SRGAP3: variants seen among roughly 807,000 people sequenced by gnomAD.
SRGAP3 encodes the protein SLIT-ROBO Rho GTPase activating protein 3.
A neutral mutation model predicts 121.1 loss-of-function variants in SRGAP3; 39 were observed. The observed-to-expected ratio is 0.32, with a 90% CI of 0.25 to 0.42. The LOEUF (loss-of-function observed/expected upper bound fraction) is 0.42. Among genes scored for constraint, SRGAP3 ranks in the 10% least tolerant of loss-of-function variants. The probability of loss-of-function intolerance (pLI) is 1.00; values close to 1 mark genes in which losing one functional copy is unlikely to be tolerated. For synonymous variants in SRGAP3, 601 were observed against 570.0 expected (o/e 1.05, Z -0.77); for missense variants, 1,213 against 1,470.6 (o/e 0.82, Z 2.86).
intron 1 of SRGAP3, among the ~76,000 whole-genome samples, chr3:9,361,068 T>G (rs1182227903): frequency 6.6e-6 from 1 of 152,212 alleles, no homozygotes; most frequent in South Asian, 2.1e-4. Flanking sequence ...CATTTGTCCA[T>G]CTTTTGGAGA....
intron 13 of SRGAP3, among the ~76,000 whole-genome samples, chr3:9,026,200 T>C (rs1403013006): frequency 1.3e-5 from 2 of 152,208 alleles, no homozygotes; most frequent in African/African-American, 4.8e-5. Flanking sequence ...AAATCTCTCC[T>C]CACCGCCTTA....
chr3:9,263,628 T>G (rs1159231035), intron 3 of SRGAP3, among the ~76,000 whole-genome samples: 1 of 152,132 alleles, frequency 6.6e-6, no homozygotes, highest in Non-Finnish European at 1.5e-5. Context: ...CTAGAAGTAA[T>G]GGATACATTC....
intron 3 of SRGAP3, chr3:9,257,375 C>T (rs1954154425): frequency 1.3e-5 from 2 of 152,230 alleles, no homozygotes; most frequent in East Asian, 1.9e-4. Context: ...CCTATGAGGA[C>T]ACATTGAGAA....
chr3:9,326,380 A>C (rs1319685897), intron 2 of SRGAP3, among the ~76,000 whole-genome samples: 3 of 151,934 alleles, frequency 2.0e-5, no homozygotes, highest in Non-Finnish European at 4.4e-5. Context: ...AATGTACCTA[A>C]AGTTTTGACT....
In SRGAP3 at chr3:9,013,820, C is replaced by G; in HGVS notation, c.1836G>C (p.Arg612Ser). 1 of 1,614,148 alleles carries G rather than the reference C, an allele frequency of 6.2e-7. No individual in the cohort carries two copies. Among genetic ancestry groups the G allele is most frequent in the Non-Finnish European group, 8.5e-7 (1 of 1,180,014 alleles). The change falls in exon 16 of 22, where the codon AGG (arginine) becomes AGC (serine). Residue 612 changes from arginine (R) to serine (S), a missense_variant. Arg to Ser is a moderately radical substitution (Grantham distance 110). Transcript: ENST00000383836. Reference sequence around the variant, plus strand: ...CGAGGATTTGTTGGATCTGGTGCACCCTCTCGGCTGGGTTCTCCAGTTCTG... The same window carrying G: ...CGAGGATTTGTTGGATCTGGTGCACGCTCTCGGCTGGGTTCTCCAGTTCTG... ...STIKLENPAE[R>S]VHQIQQILVT... is the part of the protein sequence containing the mutation.
chr3:9,317,749 T>C (rs1463868495), intron 3 of SRGAP3, among the ~76,000 whole-genome samples: 1 of 152,250 alleles, frequency 6.6e-6, no homozygotes, highest in Non-Finnish European at 1.5e-5. Context: ...CCTGAGAATG[T>C]GCATTTCTAA....
intron 1 of SRGAP3, among the ~76,000 whole-genome samples, chr3:9,167,834 C>T (rs553585916): frequency 9.2e-5 from 14 of 152,314 alleles, no homozygotes; most frequent in African/African-American, 2.9e-4. Context: ...CAGCATGCCT[C>T]GCTGTTTTCT....
At chr3:9,172,619 G>A (rs1244038459) in intron 1 of SRGAP3, among the ~76,000 whole-genome samples, 2 of 152,094 alleles carry the variant, frequency 1.3e-5, no homozygotes, top group African/African-American at 4.8e-5. Context: ...GTTTCCAGCC[G>A]AGCTCTGGGC....
chr3:9,178,120 A>G (rs1951245240), intron 1 of SRGAP3, among the ~76,000 whole-genome samples: 1 of 152,026 alleles, frequency 6.6e-6, no homozygotes, highest in Non-Finnish European at 1.5e-5. Flanking sequence ...ATGCAAAAAT[A>G]AGCAGGGCAT....
At position 9,025,247 on chromosome 3, in the gene SRGAP3, C is replaced by T. The variant is rs754059209; in HGVS notation, c.1678+14G>A. 2.7e-5 allele frequency: 43 copies of T among 1,614,018 alleles called. No homozygotes were observed. The highest frequency in any genetic ancestry group is 1.5e-4 in the African/African-American group (11 of 75,024). ...CCCCTGGCCACAAGCCTAAGATGGTCGCTCTGCACCCACCTCTCTCAAAGG... is the reference window on the plus strand; with the variant it reads ...CCCCTGGCCACAAGCCTAAGATGGTTGCTCTGCACCCACCTCTCTCAAAGG... On this transcript the variant is annotated intron_variant, in intron 14 of 21. Coordinates refer to ENST00000383836, the MANE Select transcript of SRGAP3 (RefSeq NM_014850.4).
chr3:9,030,950 CT>C (rs35661722), intron 12 of SRGAP3, among the ~76,000 whole-genome samples: 103,819 of 151,652 alleles, frequency 0.68, 36,385 homozygotes, highest in Non-Finnish European at 0.77. Context: ...CTCTGAACTT[CT>C]TTTTTTTTGT....
At chr3:9,341,915 G>T (rs1020047952) in intron 1 of SRGAP3, among the ~76,000 whole-genome samples, 23 of 152,262 alleles carry the variant, frequency 1.5e-4, no homozygotes, top group Middle Eastern at 3.4e-3. Context: ...TGTGCTACCG[G>T]CGTTCTCCTA....
intron 1 of SRGAP3, among the ~76,000 whole-genome samples, chr3:9,182,069 G>A (rs1408850908): frequency 2.0e-5 from 3 of 151,078 alleles, no homozygotes; most frequent in Admixed American, 6.6e-5. Context: ...CCATCTACTC[G>A]GGAGGCTGAG....
rs753084994 is a variant in SRGAP3 at position 9,060,130 on chromosome 3, G to C, written c.801+101C>G. ...GCTCAAAAGAGCTGTGGCTACCCGA[G>C]AATGTCAGGTAAAGACAAAGACCAG... On this transcript the variant is annotated intron_variant, in intron 6 of 21. Transcript: ENST00000383836. The C allele has an allele frequency of 1.7e-5, 26 of 1,572,258 alleles. No individual in the cohort carries two copies. The African/African-American group carries it at 3.2e-4, about 20-fold the overall frequency.
chr3:9,013,235 G>A, intron 17 of SRGAP3, 73 bp downstream of exon 17: 1 of 1,452,034 alleles, frequency 6.9e-7, no homozygotes, highest in Non-Finnish European at 9.6e-7. Context: ...AAAACTGAAG[G>A]GTTTCTTATT....
chr3:9,103,809 G>A (rs1948309564), intron 3 of SRGAP3, among the ~76,000 whole-genome samples: 1 of 152,198 alleles, frequency 6.6e-6, no homozygotes, highest in South Asian at 2.1e-4. Flanking sequence ...GTACATGCCA[G>A]GCACTGTGCA....
chr3:9,029,399 G>A (rs1944368820), intron 12 of SRGAP3, among the ~76,000 whole-genome samples: 1 of 152,122 alleles, frequency 6.6e-6, no homozygotes, highest in South Asian at 2.1e-4. Context: ...TTGCCTGAGA[G>A]GAGGAGGAAA....
chr3:9,030,224 C>T (rs986672580), intron 12 of SRGAP3, among the ~76,000 whole-genome samples: 1 of 151,994 alleles, frequency 6.6e-6, no homozygotes, highest in African/African-American at 2.4e-5. Context: ...ACCTTTTTTC[C>T]CAGTCAAATG....
At chr3:9,312,041 G>A (rs1292264643) in intron 3 of SRGAP3, among the ~76,000 whole-genome samples, 1 of 152,172 alleles carries the variant, frequency 6.6e-6, no homozygotes, top group Admixed American at 6.5e-5. Flanking sequence ...TATCTAATCT[G>A]CACAATCGTC....
Sources: gnomAD v4.1 joint callset for allele counts (sites outside exome capture counted in the v4.1 genomes callset) on GRCh38, gnomAD v4.1.1 for gene constraint, MANE v1.5 for transcripts, NCBI Gene and HGNC (gene_info 2026-07-23, HGNC 2026-07-21) for gene names.